The following NAA35 variants were observed in gnomAD, a reference collection of about 807,000 sequenced individuals.
The protein encoded by NAA35 is MAK10 homolog, amino-acid N-acetyltransferase subunit.
A neutral mutation model predicts 101.7 loss-of-function variants in NAA35; 18 were observed. That is an observed-to-expected ratio of 0.18 (90% CI 0.12 to 0.26). The LOEUF is 0.26. NAA35 is among the 10% of genes least tolerant of loss of function. The probability of loss-of-function intolerance (pLI) is 1.00; values close to 1 mark genes in which losing one functional copy is unlikely to be tolerated. For missense variants in NAA35, 601 were observed against 886.8 expected (o/e 0.68, Z 4.09); for synonymous variants, 267 against 273.1 (o/e 0.98, Z 0.22).
intron 6 of NAA35, among the ~76,000 whole-genome samples, chr9:85,973,171 C>T (rs772410848): frequency 3.3e-5 from 5 of 152,124 alleles, no homozygotes; most frequent in Non-Finnish European, 7.4e-5. Flanking sequence ...CAAGAAAGAC[C>T]TGTCAGACTG....
chr9:85,992,008 A>G (rs1294562314), intron 11 of NAA35, among the ~76,000 whole-genome samples: 1 of 151,976 alleles, frequency 6.6e-6, no homozygotes, highest in Non-Finnish European at 1.5e-5. Context: ...CCCCGTCTCT[A>G]CTAAAACTAC....
chr9:85,953,430 T>C (rs1207772320), intron 2 of NAA35, among the ~76,000 whole-genome samples: 1 of 152,068 alleles, frequency 6.6e-6, no homozygotes, highest in Non-Finnish European at 1.5e-5. Flanking sequence ...ACACTATGAC[T>C]TTTTTTCTCT....
chr9:85,986,707 C>T (rs1231465491), intron 11 of NAA35: 1 of 289,366 alleles, frequency 3.5e-6, no homozygotes, highest in African/African-American at 2.3e-5. Context: ...ACCTCACCCT[C>T]CTGAGTAGCT....
chr9:85,994,958 A>G (rs1211618726), intron 11 of NAA35, among the ~76,000 whole-genome samples: 2 of 152,202 alleles, frequency 1.3e-5, no homozygotes, highest in Non-Finnish European at 2.9e-5. Context: ...ATTATTACAC[A>G]TTGTGTACAT....
intron 11 of NAA35, among the ~76,000 whole-genome samples, chr9:85,982,134 A>T (rs977939786): frequency 6.6e-6 from 1 of 152,176 alleles, no homozygotes; most frequent in Non-Finnish European, 1.5e-5. Flanking sequence ...GTGGATAAGG[A>T]GGGCAGCTTA....
intron 6 of NAA35, among the ~76,000 whole-genome samples, chr9:85,973,979 C>T (rs538805479): frequency 8.6e-5 from 13 of 151,158 alleles, no homozygotes; most frequent in African/African-American, 3.2e-4. Flanking sequence ...TTTTTTGAGG[C>T]AGAGTCTCAC....
At chr9:86,021,869 T>TA in intron 22 of NAA35, 32 bp from the exon 23 acceptor site, 5 of 1,514,668 alleles carry the variant, frequency 3.3e-6, no homozygotes, top group Non-Finnish European at 4.6e-6. Flanking sequence ...TATTTGTAGA[T>TA]ACATTAATTG....
At chr9:85,998,288 C>T (rs1831265194) in intron 12 of NAA35, among the ~76,000 whole-genome samples, 1 of 152,122 alleles carries the variant, frequency 6.6e-6, no homozygotes, top group African/African-American at 2.4e-5. Flanking sequence ...AATTGCTTGT[C>T]TCTGTATCAT....
At chr9:85,953,192 AAC>A (rs1182233570) in intron 2 of NAA35, among the ~76,000 whole-genome samples, 3 of 151,048 alleles carry the variant, frequency 2.0e-5, no homozygotes, top group Non-Finnish European at 4.4e-5. Flanking sequence ...CAGCCTGGGC[AAC>A]AGAGTGAGAC....
chr9:85,975,222 T>A, intron 8 of NAA35, 65 bp downstream of exon 8: 1 of 1,509,286 alleles, frequency 6.6e-7, no homozygotes. Context: ...TAACTTTACC[T>A]AATTAAAAAT....
intron 21 of NAA35, among the ~76,000 whole-genome samples, chr9:86,019,478 T>G (rs1468882067): frequency 6.6e-6 from 1 of 152,148 alleles, no homozygotes; most frequent in Non-Finnish European, 1.5e-5. Flanking sequence ...ATTATTAAAA[T>G]GTAACTAAGT....
chr9:86,017,447 G>C, intron 18 of NAA35, 51 bp from the exon 19 acceptor site: 1 of 1,537,864 alleles, frequency 6.5e-7, no homozygotes, highest in Non-Finnish European at 8.9e-7. Flanking sequence ...AGTAATGCAA[G>C]AGGGAGGAGG....
At chr9:85,999,270 A>G (rs889755001) in intron 12 of NAA35, among the ~76,000 whole-genome samples, 3 of 152,310 alleles carry the variant, frequency 2.0e-5, no homozygotes, top group Admixed American at 6.5e-5. Flanking sequence ...ATGAGAATAG[A>G]TATTTTCTTA....
chr9:85,957,109 TC>T (rs1829310865), intron 3 of NAA35, among the ~76,000 whole-genome samples: 1 of 152,062 alleles, frequency 6.6e-6, no homozygotes, highest in Non-Finnish European at 1.5e-5. Context: ...AACCTTTGAC[TC>T]CCCCAAAAGC....
rs1828496527 is a variant in NAA35, at chr9:85,941,221, A to T, written c.-58A>T. On this transcript the variant is annotated 5_prime_UTR_variant, in exon 1 of 23. Coordinates refer to ENST00000361671, the MANE Select transcript of NAA35 (RefSeq NM_024635.4). ...CGGCGGCGGCCGAGGCGGCGTCGTT[A>T]TTTCCGTGGTCCGGACAGTGCGTGG... The T allele has an allele frequency of 1.0e-6, 1 of 986,350 alleles. No homozygotes were observed. Among genetic ancestry groups the T allele is most frequent in the Non-Finnish European group, 1.2e-6 (1 of 830,802 alleles). The allele number at this position is 986,350 out of a possible 1,614,324, so 61.1% of individuals were successfully genotyped here.
At chr9:86,013,525 T>C (rs1457279642) in intron 16 of NAA35, among the ~76,000 whole-genome samples, 194 bp from the exon 17 acceptor site, 1 of 152,244 alleles carries the variant, frequency 6.6e-6, no homozygotes, top group Non-Finnish European at 1.5e-5. Flanking sequence ...AAGGCATGTT[T>C]AGGTAAATGT....
chr9:85,941,558 G>T, intron 1 of NAA35: 1 of 985,904 alleles, frequency 1.0e-6, no homozygotes, highest in Non-Finnish European at 1.2e-6. Context: ...CCGGGGCTGG[G>T]CTGGGCTGAC....
intron 11 of NAA35, among the ~76,000 whole-genome samples, chr9:85,980,712 G>T (rs1420207357): frequency 6.6e-6 from 1 of 152,126 alleles, no homozygotes; most frequent in Non-Finnish European, 1.5e-5. Context: ...TATGAAATAT[G>T]CCTTAAAAAG....
At chr9:86,016,708 A>G (rs1265091853) in intron 18 of NAA35, 33 bp downstream of exon 18, 1 of 1,592,700 alleles carries the variant, frequency 6.3e-7, no homozygotes, top group South Asian at 1.1e-5. Flanking sequence ...TTAAGAACAG[A>G]GTGTACTTTA....
Sources: gnomAD v4.1 joint callset for allele counts (sites outside exome capture counted in the v4.1 genomes callset) on GRCh38, gnomAD v4.1.1 for gene constraint, MANE v1.5 for transcripts, NCBI Gene and HGNC (gene_info 2026-07-23, HGNC 2026-07-21) for gene names.